Variants in PARD3B observed in about 807,000 individuals in gnomAD.
The protein encoded by PARD3B is partitioning defective 3 homolog B.
Under a neutral mutation model 130.2 loss-of-function variants are expected in PARD3B, and 103 were observed. That is an observed-to-expected ratio of 0.79 (90% CI 0.67 to 0.93). The LOEUF (loss-of-function observed/expected upper bound fraction) is 0.93. Among genes scored for constraint, PARD3B ranks in the 40% least tolerant of loss-of-function variants. The pLI is 0.00. For synonymous variants in PARD3B, 583 were observed against 553.2 expected (o/e 1.05, Z -0.76); for missense variants, 1,609 against 1,499.2 (o/e 1.07, Z -1.21).
At chr2:204,726,262 G>A (rs1053275867) in intron 2 of PARD3B, among the ~76,000 whole-genome samples, 5 of 152,134 alleles carry the variant, frequency 3.3e-5, no homozygotes, top group African/African-American at 1.2e-4. Context: ...GACCTTGAAG[G>A]TAAAGAATTG....
chr2:205,404,106 C>T (rs2046341689), intron 19 of PARD3B, among the ~76,000 whole-genome samples: 1 of 152,214 alleles, frequency 6.6e-6, no homozygotes, highest in Non-Finnish European at 1.5e-5. Context: ...ATAACCACTA[C>T]TAATATTTTA....
At chr2:205,381,680 C>T (rs1310061793) in intron 18 of PARD3B, among the ~76,000 whole-genome samples, 2 of 151,920 alleles carry the variant, frequency 1.3e-5, no homozygotes, top group African/African-American at 2.4e-5. Context: ...GATTTCCCAA[C>T]CAATAAAAGC....
intron 15 of PARD3B, among the ~76,000 whole-genome samples, chr2:205,201,250 T>A (rs1172795646): frequency 6.6e-6 from 1 of 152,128 alleles, no homozygotes; most frequent in Non-Finnish European, 1.5e-5. Flanking sequence ...ATGTTTAAAA[T>A]TAATCAGTAC....
chr2:205,475,288 C>A (rs2048987297), intron 20 of PARD3B, among the ~76,000 whole-genome samples: 1 of 152,100 alleles, frequency 6.6e-6, no homozygotes, highest in Non-Finnish European at 1.5e-5. Flanking sequence ...CCCCGTCTAT[C>A]ACCACTCCCA....
chr2:205,236,099 A>G (rs2039050108), intron 15 of PARD3B, among the ~76,000 whole-genome samples: 1 of 152,226 alleles, frequency 6.6e-6, no homozygotes, highest in South Asian at 2.1e-4. Flanking sequence ...CTAAAATGTA[A>G]TGGACAAAGA....
intron 16 of PARD3B, among the ~76,000 whole-genome samples, chr2:205,296,344 G>A (rs1318554704): frequency 6.6e-6 from 1 of 152,168 alleles, no homozygotes; most frequent in Non-Finnish European, 1.5e-5. Context: ...TCATCTGCCT[G>A]TGGAGAAGCA....
At chr2:204,793,183 T>A (rs930023105) in intron 2 of PARD3B, among the ~76,000 whole-genome samples, 1 of 152,190 alleles carries the variant, frequency 6.6e-6, no homozygotes, top group Non-Finnish European at 1.5e-5. Flanking sequence ...TTTCTCTTTT[T>A]TTTCCTCTTT....
intron 2 of PARD3B, among the ~76,000 whole-genome samples, chr2:204,821,540 G>T (rs1291554021): frequency 8.2e-6 from 1 of 121,964 alleles, no homozygotes; most frequent in Admixed American, 9.6e-5. Flanking sequence ...TCACACTCTC[G>T]GGACTGTTGT....
At chr2:204,766,092 T>A in intron 2 of PARD3B, among the ~76,000 whole-genome samples, 1 of 152,194 alleles carries the variant, frequency 6.6e-6, no homozygotes, top group East Asian at 1.9e-4. Flanking sequence ...TTTCCACTTT[T>A]AAGGCAATTC....
intron 22 of PARD3B, among the ~76,000 whole-genome samples, chr2:205,566,214 C>T (rs577688014): frequency 5.6e-4 from 85 of 152,256 alleles, no homozygotes; most frequent in African/African-American, 2.0e-3. Flanking sequence ...AGACTAGAAA[C>T]CTTTGCGGGG....
At chr2:205,360,265 G>GTT (rs77424212) in intron 18 of PARD3B, among the ~76,000 whole-genome samples, 17 of 151,556 alleles carry the variant, frequency 1.1e-4, no homozygotes, top group East Asian at 9.8e-4. Context: ...TTTTTCTTTT[G>GTT]TTTTTTTCCT....
At chr2:205,392,485 T>G (rs1413337707) in intron 18 of PARD3B, among the ~76,000 whole-genome samples, 1 of 152,196 alleles carries the variant, frequency 6.6e-6, no homozygotes, top group Non-Finnish European at 1.5e-5. Flanking sequence ...ATATAGCTTG[T>G]CATCATCTTG....
chr2:205,477,239 G>A (rs543503897), intron 20 of PARD3B, among the ~76,000 whole-genome samples: 1 of 152,292 alleles, frequency 6.6e-6, no homozygotes, highest in African/African-American at 2.4e-5. Context: ...TATGTTGTGA[G>A]CAGATAAGCA....
chr2:205,267,244 G>T (rs1257742218), intron 16 of PARD3B, among the ~76,000 whole-genome samples: 1 of 152,008 alleles, frequency 6.6e-6, no homozygotes, highest in Non-Finnish European at 1.5e-5. Context: ...ATATGCTCTT[G>T]CAAATTATGG....
chr2:205,073,696 G>T lies in PARD3B; in HGVS notation c.504+26006G>T, dbSNP rs879624695. Among the ~76,000 whole-genome samples, 11 of 152,048 alleles carry T rather than the reference G, an allele frequency of 7.2e-5. 1 individual carries two copies. The highest frequency in any genetic ancestry group is 6.6e-4 in the Admixed American group (10 of 15,262). On this transcript the variant is annotated intron_variant, in intron 4 of 22. Coordinates refer to ENST00000406610, the MANE Select transcript of PARD3B (RefSeq NM_001302769.2). The stretch of plus-strand genomic sequence containing the variant: ...CTTTTTTCCCCCTTTCCCTAAAAGG[G>T]CAAGGATTGTCCATATTTTGTTCAA...
At chr2:204,626,634 A>G (rs1375483337) in intron 1 of PARD3B, among the ~76,000 whole-genome samples, 2 of 152,124 alleles carry the variant, frequency 1.3e-5, no homozygotes, top group Non-Finnish European at 2.9e-5. Flanking sequence ...AAAAATCTGT[A>G]GTAAATGTAT....
At chr2:204,694,084 A>G (rs144641059) in intron 2 of PARD3B, among the ~76,000 whole-genome samples, 2 of 152,164 alleles carry the variant, frequency 1.3e-5, no homozygotes, top group East Asian at 3.9e-4. Flanking sequence ...TTCACATCGT[A>G]TTATTGGGAA....
In PARD3B at chr2:205,419,614, C is replaced by G. The variant is rs141333399; in HGVS notation, c.2741+18491C>G. ...AAAAAAACAAGTTCCATATTACATA[C>G]AAGTCACTTACTCTTTAAACTTCTC... On this transcript the variant is annotated intron_variant, in intron 19 of 22. Coordinates refer to ENST00000406610, the MANE Select transcript of PARD3B (RefSeq NM_001302769.2). 2.5e-3 allele frequency among the ~76,000 whole-genome samples: 374 copies of G among 152,246 alleles called. 7 individuals carry two copies. The highest frequency in any genetic ancestry group is 8.6e-3 in the African/African-American group (358 of 41,548).
At chr2:204,770,985 A>T (rs771766208) in intron 2 of PARD3B, among the ~76,000 whole-genome samples, 2 of 152,094 alleles carry the variant, frequency 1.3e-5, no homozygotes, top group African/African-American at 4.8e-5. Context: ...AGAAAGGTTC[A>T]ATCAGAGCAG....
Sources: allele counts gnomAD v4.1 joint callset (sites outside exome capture counted in the v4.1 genomes callset), GRCh38; gene constraint gnomAD v4.1.1; transcripts MANE v1.5; gene names NCBI Gene and HGNC (gene_info 2026-07-23, HGNC 2026-07-21).